NCOR2: variants seen among roughly 807,000 people sequenced by gnomAD.
NCOR2 encodes CTG repeat protein 26.
In NCOR2, 81 loss-of-function variants were observed where a neutral mutation model predicts 262.9. That is an observed-to-expected ratio of 0.31 (90% CI 0.26 to 0.37). NCOR2 has a LOEUF of 0.37. Among genes scored for constraint, NCOR2 ranks in the 10% least tolerant of loss-of-function variants. The pLI is 1.00. For synonymous variants in NCOR2, 1,659 were observed against 1,559.3 expected (o/e 1.06, Z -1.51); for missense variants, 3,385 against 3,621.4 (o/e 0.93, Z 1.68).
At chr12:124,385,659 C>G in intron 17 of NCOR2, 86 bp downstream of exon 19, 1 of 1,552,972 alleles carries the variant, frequency 6.4e-7, no homozygotes, top group East Asian at 2.3e-5. Context: ...GCCCATGCCT[C>G]CTGGGGTGCA....
chr12:124,407,649 C>T (rs373414879), intron 13 of NCOR2, among the ~76,000 whole-genome samples: 3 of 152,212 alleles, frequency 2.0e-5, no homozygotes, highest in African/African-American at 4.8e-5. Flanking sequence ...GAAGGTGCTG[C>T]GACCACCCAC....
chr12:124,554,095 C>A (rs2051805338), intron 1 of NCOR2, among the ~76,000 whole-genome samples: 1 of 152,236 alleles, frequency 6.6e-6, no homozygotes, highest in African/African-American at 2.4e-5. Context: ...AGCCCTGCCC[C>A]ATAAGCACAT....
intron 13 of NCOR2, among the ~76,000 whole-genome samples, chr12:124,405,291 C>T (rs1368557275): frequency 6.6e-6 from 1 of 152,228 alleles, no homozygotes; most frequent in Non-Finnish European, 1.5e-5. Flanking sequence ...AACTGAGGCA[C>T]CGAGTGCAAT....
At chr12:124,565,382 C>CGCT (rs1393306065) in intron 1 of NCOR2, among the ~76,000 whole-genome samples, 1 of 152,182 alleles carries the variant, frequency 6.6e-6, no homozygotes. Context: ...CTGGCAGCCG[C>CGCT]GCTGCCGACT....
At chr12:124,371,658 G>A (rs1340961781) in intron 20 of NCOR2, among the ~76,000 whole-genome samples, 1 of 152,188 alleles carries the variant, frequency 6.6e-6, no homozygotes, top group East Asian at 1.9e-4. Flanking sequence ...GTGCCCCCAG[G>A]CTCCTGGCCT....
intron 16 of NCOR2, 129 bp downstream of exon 18, chr12:124,397,990 G>C: frequency 1.9e-6 from 2 of 1,066,518 alleles, no homozygotes; most frequent in Non-Finnish European, 2.9e-6. Context: ...CCCAGAACCA[G>C]AACCTCACCA....
At chr12:124,521,103 CCCAGGGGGGAGGTGGGGG>C (rs1172881967) in intron 1 of NCOR2, among the ~76,000 whole-genome samples, 3 of 152,068 alleles carry the variant, frequency 2.0e-5, no homozygotes, top group Admixed American at 6.5e-5. Context: ...ATGTGTGGGG[CCCAGGGGGGAGGTGGGGG>C]CCAGAACTCT....
intron 4 of NCOR2, among the ~76,000 whole-genome samples, chr12:124,471,289 C>A (rs2046820178): frequency 6.6e-6 from 1 of 152,214 alleles, no homozygotes; most frequent in Non-Finnish European, 1.5e-5. Context: ...CCTACAGTGG[C>A]TAAAATGAGC....
intron 16 of NCOR2, among the ~76,000 whole-genome samples, chr12:124,394,539 A>G (rs1290838628): frequency 1.3e-5 from 2 of 152,248 alleles, no homozygotes; most frequent in Non-Finnish European, 2.9e-5. Flanking sequence ...ACGTGGGGTC[A>G]TACTGGATTG....
At chr12:124,356,220 G>A (rs556154864) in intron 23 of NCOR2, among the ~76,000 whole-genome samples, 3 of 152,316 alleles carry the variant, frequency 2.0e-5, no homozygotes, top group South Asian at 2.1e-4. Flanking sequence ...ACCAGCCCCC[G>A]GCTGTGCTGC....
chr12:124,424,943 T>G (rs1188638138), intron 11 of NCOR2, among the ~76,000 whole-genome samples: 1 of 152,146 alleles, frequency 6.6e-6, no homozygotes, highest in African/African-American at 2.4e-5. Context: ...CCTGAGGAGG[T>G]GCTCTATGTC....
intron 3 of NCOR2, among the ~76,000 whole-genome samples, chr12:124,479,539 CCGCACCCACACACAAA>C (rs1249761552): frequency 6.6e-6 from 1 of 151,642 alleles, no homozygotes; most frequent in East Asian, 2.0e-4. Context: ...ACACACACAC[CCGCACCCACACACAAA>C]CGCGCACACA....
intron 2 of NCOR2, among the ~76,000 whole-genome samples, chr12:124,484,832 G>C (rs547098986): frequency 4.6e-5 from 7 of 152,362 alleles, no homozygotes; most frequent in African/African-American, 1.7e-4. Flanking sequence ...AATGAACGCA[G>C]GGTGGTTCAC....
chr12:124,554,818 C>G (rs1328803695), intron 1 of NCOR2, among the ~76,000 whole-genome samples: 6 of 152,380 alleles, frequency 3.9e-5, no homozygotes, highest in African/African-American at 1.4e-4. Flanking sequence ...CTATTTATAG[C>G]TGAGCAGGGA....
At chr12:124,350,076 G>C (rs895033480) in intron 28 of NCOR2, among the ~76,000 whole-genome samples, 2 of 151,974 alleles carry the variant, frequency 1.3e-5, no homozygotes, top group African/African-American at 4.8e-5. Flanking sequence ...CACACCCCTG[G>C]GTGCCCTAGG....
At chr12:124,335,184 G>T in exon 40 of NCOR2, 1 of 1,611,658 alleles carries the variant, frequency 6.2e-7, no homozygotes, top group Non-Finnish European at 8.5e-7. Context: ...TTTGACCCCT[G>T]GGGCGGTCTG....
At chr12:124,353,996 G>T in intron 27 of NCOR2, 97 bp downstream of exon 29, 1 of 1,119,350 alleles carries the variant, frequency 8.9e-7, no homozygotes, top group Non-Finnish European at 1.3e-6. Flanking sequence ...CACCCCATCG[G>T]CTGAGGCTAA....
chr12:124,342,027 G>C (rs890262988), exon 34 of NCOR2: 1 of 1,612,802 alleles, frequency 6.2e-7, no homozygotes, highest in Non-Finnish European at 8.5e-7. Context: ...TACAGGTGCG[G>C]GTAGGTGGGG....
rs1187204822 is a variant in NCOR2, at chr12:124,503,767, G to T, written c.-117-8399C>A. Among the ~76,000 whole-genome samples, 1 of 152,128 alleles carries T rather than the reference G, an allele frequency of 6.6e-6. No homozygotes were observed. The highest frequency in any genetic ancestry group is 1.5e-5 in the Non-Finnish European group (1 of 68,006). On this transcript the variant is annotated intron_variant, in intron 1 of 46. Transcript: ENST00000404621. This position sits in a 1 kb window ranked among gnomAD's most constrained non-coding sequence, Gnocchi z 4.3. ...GGATGCATGGATGCATGGATGGATG[G>T]ATGGATGGATGGGCGGATGGATGCA...
Sources: gnomAD v4.1 joint callset for allele counts (sites outside exome capture counted in the v4.1 genomes callset) on GRCh38, gnomAD v4.1.1 for gene constraint, Gnocchi (gnomAD v3.1) non-coding constraint, MANE v1.5 for transcripts, NCBI Gene and HGNC (gene_info 2026-07-23, HGNC 2026-07-21) for gene names.